Variants in EYA4 observed in about 807,000 individuals in gnomAD.
EYA4 encodes EYA transcriptional coactivator and phosphatase 4, also known as protein phosphatase EYA4.
A neutral mutation model predicts 87.9 loss-of-function variants in EYA4; 31 were observed. That is an observed-to-expected ratio of 0.35 (90% CI 0.27 to 0.48). EYA4 has a LOEUF of 0.48. Ranked by LOEUF, EYA4 falls within the 20% of genes least tolerant of loss-of-function variation. The probability of loss-of-function intolerance (pLI) is 0.99; values close to 1 mark genes in which losing one functional copy is unlikely to be tolerated. For missense variants in EYA4, 678 were observed against 761.4 expected (o/e 0.89, Z 1.29); for synonymous variants, 263 against 270.6 (o/e 0.97, Z 0.28).
intron 17 of EYA4, 74 bp downstream of exon 17, chr6:133,515,509 G>T: frequency 1.0e-6 from 1 of 970,896 alleles, no homozygotes. Context: ...TAGAAAAAAT[G>T]TTTTAATTCC....
At chr6:133,442,333 T>A (rs1429156002) in intron 3 of EYA4, among the ~76,000 whole-genome samples, 3 of 152,182 alleles carry the variant, frequency 2.0e-5, no homozygotes, top group Non-Finnish European at 4.4e-5. Context: ...AAGGTGAGGA[T>A]CTGTTCACTG....
intron 3 of EYA4, among the ~76,000 whole-genome samples, chr6:133,419,938 C>A (rs1790074391): frequency 6.6e-6 from 1 of 152,066 alleles, no homozygotes; most frequent in South Asian, 2.1e-4. Context: ...ATGTTTTATG[C>A]TATTAGTTTT....
intron 2 of EYA4, among the ~76,000 whole-genome samples, chr6:133,360,872 G>T (rs962822312): frequency 6.6e-6 from 1 of 152,182 alleles, no homozygotes; most frequent in African/African-American, 2.4e-5. Context: ...CATAGAGATT[G>T]GGATGTTTAT....
chr6:133,404,250 A>T (rs777449578), intron 3 of EYA4, among the ~76,000 whole-genome samples: 1 of 152,244 alleles, frequency 6.6e-6, no homozygotes, highest in Non-Finnish European at 1.5e-5. Context: ...GACAAAGCAC[A>T]TCATCTCTTT....
chr6:133,335,772 TA>T (rs1209308195), intron 2 of EYA4, among the ~76,000 whole-genome samples: 1 of 152,124 alleles, frequency 6.6e-6, no homozygotes, highest in Non-Finnish European at 1.5e-5. Flanking sequence ...TTGGGTGCAG[TA>T]AAGCTGTGCG....
chr6:133,269,102 TG>T (rs1776471341), intron 1 of EYA4, among the ~76,000 whole-genome samples: 1 of 152,024 alleles, frequency 6.6e-6, no homozygotes, highest in Non-Finnish European at 1.5e-5. Flanking sequence ...CTACTAAAAA[TG>T]CAAAAATTAG....
intron 3 of EYA4, among the ~76,000 whole-genome samples, chr6:133,415,902 G>A (rs1313534899): frequency 6.6e-6 from 1 of 152,218 alleles, no homozygotes; most frequent in Non-Finnish European, 1.5e-5. Flanking sequence ...TATGTATAGG[G>A]AACATCACAA....
intron 2 of EYA4, among the ~76,000 whole-genome samples, chr6:133,377,107 G>C (rs1418353236): frequency 6.6e-6 from 1 of 151,960 alleles, no homozygotes; most frequent in Admixed American, 6.6e-5. Context: ...GGAGGTGTTT[G>C]TTGGGCAGAC....
chr6:133,396,773 T>C (rs1383635957), intron 3 of EYA4, among the ~76,000 whole-genome samples: 1 of 152,098 alleles, frequency 6.6e-6, no homozygotes, highest in Non-Finnish European at 1.5e-5. Flanking sequence ...GGATTACCCA[T>C]TGGTATTTCT....
At chr6:133,527,067 C>T (rs150459335) in intron 19 of EYA4, among the ~76,000 whole-genome samples, 2 of 152,094 alleles carry the variant, frequency 1.3e-5, no homozygotes, top group African/African-American at 2.4e-5. Context: ...AACGCATAAC[C>T]CTGAATGGAA....
chr6:133,379,726 G>C (rs1470503513), intron 2 of EYA4, among the ~76,000 whole-genome samples: 2 of 152,030 alleles, frequency 1.3e-5, no homozygotes, highest in African/African-American at 4.8e-5. Flanking sequence ...AGCATTTGGG[G>C]AACACCTACT....
intron 3 of EYA4, among the ~76,000 whole-genome samples, chr6:133,405,730 A>G (rs1462222577): frequency 6.6e-6 from 1 of 152,154 alleles, no homozygotes; most frequent in African/African-American, 2.4e-5. Context: ...AAAACAGTAT[A>G]TTAGAGGTGG....
intron 2 of EYA4, among the ~76,000 whole-genome samples, chr6:133,344,328 C>G (rs1783039932): frequency 6.6e-6 from 1 of 152,214 alleles, no homozygotes; most frequent in Non-Finnish European, 1.5e-5. Context: ...CAAGAGATAT[C>G]TATGCCCCTT....
chr6:133,255,298 A>T (rs1440512530), intron 1 of EYA4, among the ~76,000 whole-genome samples: 1 of 152,162 alleles, frequency 6.6e-6, no homozygotes, highest in East Asian at 1.9e-4. Context: ...TGTATAACAT[A>T]TTAAAACAGA....
intron 2 of EYA4, among the ~76,000 whole-genome samples, chr6:133,335,372 A>T (rs760521290): frequency 6.6e-6 from 1 of 152,254 alleles, no homozygotes; most frequent in Non-Finnish European, 1.5e-5. Context: ...GAAAATAATT[A>T]GTAACATTAT....
chr6:133,252,257 A>G (rs1255854973), intron 1 of EYA4, among the ~76,000 whole-genome samples: 3 of 152,238 alleles, frequency 2.0e-5, no homozygotes, highest in Non-Finnish European at 2.9e-5. Context: ...GTTACTGATA[A>G]TCACAACTGC....
In EYA4 at chr6:133,462,630, T is replaced by C. The variant is rs1794499562; in HGVS notation, c.590T>C (p.Val197Ala). The C allele has an allele frequency of 6.2e-7, 1 of 1,614,076 alleles. No homozygotes were observed. The highest frequency in any genetic ancestry group is 1.3e-5 in the African/African-American group (1 of 75,056). The change falls in exon 9 of 20, where the codon GTG (valine) becomes GCG (alanine). Residue 197 changes from valine (V) to alanine (A), a missense_variant. Val to Ala is a moderately conservative substitution (Grantham distance 64, BLOSUM62 0). Transcript: ENST00000355286. ...TCAATTTTCTGAACAGATTTGGGTG[T>C]GATGTTGCCAGCCATCAAGACAGAG... ...PYSLPTYDLG[V>A]MLPAIKTESG...
chr6:133,482,184 G>A (rs1031506185), intron 12 of EYA4, among the ~76,000 whole-genome samples: 5 of 152,114 alleles, frequency 3.3e-5, no homozygotes, highest in Non-Finnish European at 2.9e-5. Context: ...ACCATAATAT[G>A]TTACTTCTTA....
At chr6:133,308,031 G>GT (rs1208432696) in intron 2 of EYA4, among the ~76,000 whole-genome samples, 4 of 152,116 alleles carry the variant, frequency 2.6e-5, no homozygotes, top group Admixed American at 2.6e-4. Context: ...CCCTGCACAC[G>GT]TTCTCTTGCC....
Sources: gnomAD v4.1 joint callset for allele counts (sites outside exome capture counted in the v4.1 genomes callset) on GRCh38, gnomAD v4.1.1 for gene constraint, MANE v1.5 for transcripts, NCBI Gene and HGNC (gene_info 2026-07-23, HGNC 2026-07-21) for gene names.